NRG3: variants seen among roughly 807,000 people sequenced by gnomAD.
The protein encoded by NRG3 is neuregulin 3.
A neutral mutation model predicts 66.9 loss-of-function variants in NRG3; 31 were observed. The ratio of observed to expected loss-of-function variants is 0.46; its 90% CI spans 0.35 to 0.63. NRG3 has a LOEUF of 0.63. Among genes scored for constraint, NRG3 ranks in the 20% least tolerant of loss-of-function variants. The pLI, the probability that NRG3 is intolerant of heterozygous loss-of-function variation, is 0.00. For synonymous variants in NRG3, 393 were observed against 359.4 expected (o/e 1.09, Z -1.06); for missense variants, 910 against 878.9 (o/e 1.04, Z -0.45).
chr10:82,723,111 A>C (rs1372641156), intron 2 of NRG3, among the ~76,000 whole-genome samples: 5 of 152,232 alleles, frequency 3.3e-5, no homozygotes, highest in Non-Finnish European at 2.9e-5. Flanking sequence ...AAAATGAGGT[A>C]ATATACATCA....
intron 1 of NRG3, among the ~76,000 whole-genome samples, chr10:82,243,929 G>A (rs2134020474): frequency 6.6e-6 from 1 of 152,244 alleles, no homozygotes. Flanking sequence ...TCTGCTTGAG[G>A]TGAAGATCTG....
At chr10:82,408,093 A>AAGAAAG (rs1394152098) in intron 2 of NRG3, among the ~76,000 whole-genome samples, 40 of 82,638 alleles carry the variant, frequency 4.8e-4, no homozygotes, top group African/African-American at 1.5e-3. Context: ...GACAGAAAGA[A>AAGAAAG]AGAAAGAAAG....
At chr10:82,908,997 A>G (rs1056964215) in intron 4 of NRG3, among the ~76,000 whole-genome samples, 5 of 152,172 alleles carry the variant, frequency 3.3e-5, no homozygotes, top group African/African-American at 9.7e-5. Flanking sequence ...GCCCCAGATG[A>G]CTGTAGCTCC....
At chr10:82,017,717 G>T (rs957894642) in intron 1 of NRG3, among the ~76,000 whole-genome samples, 4 of 151,582 alleles carry the variant, frequency 2.6e-5, no homozygotes, top group Non-Finnish European at 4.4e-5. Flanking sequence ...TCATGTGTCT[G>T]TTGGCTGCAT....
At chr10:82,137,938 G>T (rs2069486454) in intron 1 of NRG3, among the ~76,000 whole-genome samples, 1 of 152,008 alleles carries the variant, frequency 6.6e-6, no homozygotes, top group African/African-American at 2.4e-5. Flanking sequence ...CCTTAACTTG[G>T]GTAAGTCCGA....
At chr10:82,539,932 G>A (rs988583957) in intron 2 of NRG3, among the ~76,000 whole-genome samples, 5 of 152,008 alleles carry the variant, frequency 3.3e-5, no homozygotes, top group Admixed American at 6.6e-5. Context: ...GCACCCAGCC[G>A]TTTACTGCCG....
chr10:82,238,568 T>A (rs561267618), intron 1 of NRG3, among the ~76,000 whole-genome samples: 1 of 152,260 alleles, frequency 6.6e-6, no homozygotes, highest in Non-Finnish European at 1.5e-5. Context: ...CATCATCCAG[T>A]TCTTTTTCTT....
chr10:81,876,957 C>G (rs1346753187), intron 1 of NRG3, among the ~76,000 whole-genome samples: 1 of 152,098 alleles, frequency 6.6e-6, no homozygotes, highest in East Asian at 1.9e-4. Context: ...CAAGCCTTTG[C>G]TTTTGTTCCG....
In NRG3 at chr10:82,946,507, C is replaced by T. The variant is rs1227814533; in HGVS notation, c.1055-4962C>T. ...TGAGCTGAGACCATACCACTGCACTCCAGGCTGGTGACAGAGCAGGACTCT... is the reference window on the plus strand; with the variant it reads ...TGAGCTGAGACCATACCACTGCACTTCAGGCTGGTGACAGAGCAGGACTCT... On this transcript the variant is annotated intron_variant, in intron 4 of 8. Transcript: ENST00000372141. 3.3e-5 allele frequency among the ~76,000 whole-genome samples: 5 copies of T among 151,800 alleles called. No homozygotes were observed. The East Asian group carries it at 9.7e-4, about 29-fold the overall frequency.
At chr10:81,985,035 G>GA (rs2060470995) in intron 1 of NRG3, among the ~76,000 whole-genome samples, 2 of 152,162 alleles carry the variant, frequency 1.3e-5, no homozygotes, top group African/African-American at 4.8e-5. Flanking sequence ...CATGTATGTA[G>GA]ACATATCAGG....
chr10:82,290,159 A>G (rs996688372), intron 1 of NRG3, among the ~76,000 whole-genome samples: 3 of 152,168 alleles, frequency 2.0e-5, no homozygotes, highest in Admixed American at 2.0e-4. Flanking sequence ...AGTTGCAATC[A>G]GCATCCTTAA....
At chr10:82,024,585 T>C (rs2062209902) in intron 1 of NRG3, among the ~76,000 whole-genome samples, 1 of 152,038 alleles carries the variant, frequency 6.6e-6, no homozygotes, top group African/African-American at 2.4e-5. Flanking sequence ...TATAAGTGGG[T>C]TAACCGAGAT....
At chr10:82,246,767 GT>G (rs34690697) in intron 1 of NRG3, among the ~76,000 whole-genome samples, 3 of 151,480 alleles carry the variant, frequency 2.0e-5, no homozygotes, top group Admixed American at 6.6e-5. Context: ...TTTAGAAGGA[GT>G]TTTTTTTTCA....
At chr10:82,883,693 T>G (rs1253731353) in intron 4 of NRG3, among the ~76,000 whole-genome samples, 1 of 152,136 alleles carries the variant, frequency 6.6e-6, no homozygotes, top group Non-Finnish European at 1.5e-5. Context: ...ATTATGATAT[T>G]ATTTTCAACT....
At chr10:82,843,624 C>G (rs1029950964) in intron 3 of NRG3, among the ~76,000 whole-genome samples, 2 of 152,168 alleles carry the variant, frequency 1.3e-5, no homozygotes, top group East Asian at 1.9e-4. Context: ...ACTGAATTCT[C>G]TCATCTAAAG....
intron 3 of NRG3, among the ~76,000 whole-genome samples, chr10:82,830,442 G>T (rs1192839869): frequency 6.6e-6 from 1 of 152,140 alleles, no homozygotes; most frequent in East Asian, 1.9e-4. Context: ...ATATTTATGA[G>T]TTATATTTTC....
chr10:82,200,496 C>T (rs1267393251), intron 1 of NRG3, among the ~76,000 whole-genome samples: 1 of 152,160 alleles, frequency 6.6e-6, no homozygotes, highest in Admixed American at 6.5e-5. Context: ...TGGAATTACT[C>T]AGCCTGCTTA....
rs369623465 is a variant in NRG3 at position 82,906,314 on chromosome 10, A to T, written c.1054+40877A>T. Among the ~76,000 whole-genome samples the T allele has an allele frequency of 2.6e-5, 4 of 152,292 alleles. No individual in the cohort carries two copies. The East Asian group carries it at 7.7e-4, about 29-fold the overall frequency. On this transcript the variant is annotated intron_variant, in intron 4 of 8. Coordinates refer to ENST00000372141, the MANE Select transcript of NRG3 (RefSeq NM_001010848.4). ...GGCTTCACACGTCGTATCATAATTT[A>T]TACTACTTTTCATGACAGCAATGTT...
chr10:82,780,783 T>C (rs537852594), intron 3 of NRG3, among the ~76,000 whole-genome samples: 1 of 152,300 alleles, frequency 6.6e-6, no homozygotes, highest in South Asian at 2.1e-4. Context: ...GGACCAAAAG[T>C]GCTTCCCCAG....
Sources: allele counts gnomAD v4.1 joint callset (sites outside exome capture counted in the v4.1 genomes callset), GRCh38; gene constraint gnomAD v4.1.1; transcripts MANE v1.5; gene names NCBI Gene and HGNC (gene_info 2026-07-23, HGNC 2026-07-21).